The following ZNF384 variants were observed in gnomAD, a reference collection of about 807,000 sequenced individuals.
ZNF384 encodes CAG repeat protein 1.
ZNF384 carries 20 observed loss-of-function variants against 65.0 expected under a neutral mutation model. The ratio of observed to expected loss-of-function variants is 0.31; its 90% confidence interval spans 0.22 to 0.45. The LOEUF is 0.45. Ranked by LOEUF, ZNF384 falls within the 20% of genes least tolerant of loss-of-function variation. The probability of loss-of-function intolerance (pLI) is 1.00; values close to 1 mark genes in which losing one functional copy is unlikely to be tolerated. For synonymous variants in ZNF384, 310 were observed against 303.9 expected (o/e 1.02, Z -0.21); for missense variants, 549 against 769.4 (o/e 0.71, Z 3.39).
chr12:6,669,469 C>A (rs1421472414), intron 10 of ZNF384, among the ~76,000 whole-genome samples: 1 of 151,712 alleles, frequency 6.6e-6, no homozygotes, highest in East Asian at 1.9e-4. Context: ...ACACTAAGAC[C>A]TTCACAGGGG....
At chr12:6,670,863 GA>G (rs1202627854) in intron 9 of ZNF384, 25 bp from the exon 10 acceptor site, 4 of 1,606,524 alleles carry the variant, frequency 2.5e-6, no homozygotes, top group East Asian at 2.2e-5. Context: ...AGAAAAAAGG[GA>G]AAGAATGTCA....
At position 6,679,540 on chromosome 12, in the gene ZNF384, A is replaced by C; in HGVS notation, c.-5-15T>G. The C allele has an allele frequency of 6.2e-7, 1 of 1,603,200 alleles. No homozygotes were observed. The highest frequency in any genetic ancestry group is 8.5e-7 in the Non-Finnish European group (1 of 1,170,376). ...TTCCATTCTACCTGAAGAAAAAATGAGAGAACATGTCACACTCAGGAATTA... is the reference window on the plus strand; with the variant it reads ...TTCCATTCTACCTGAAGAAAAAATGCGAGAACATGTCACACTCAGGAATTA... On this transcript the variant is annotated splice_polypyrimidine_tract_variant and intron_variant, in intron 2 of 11. Coordinates refer to ENST00000683879, the MANE Select transcript of ZNF384 (RefSeq NM_001385745.1).
At chr12:6,686,275 A>G (rs929297978) in intron 2 of ZNF384, among the ~76,000 whole-genome samples, 3 of 152,250 alleles carry the variant, frequency 2.0e-5, no homozygotes, top group Admixed American at 6.5e-5. Flanking sequence ...TTTTTATGAG[A>G]CAGAGTCTCA....
In ZNF384 at chr12:6,674,931, T is replaced by A. The variant is rs78803374; in HGVS notation, c.780-1491A>T. Among the ~76,000 whole-genome samples, 12 of 152,302 alleles carry A rather than the reference T, an allele frequency of 7.9e-5. No homozygotes were observed. In the East Asian group the frequency reaches 2.3e-3, roughly 29 times the overall value. The stretch of plus-strand genomic sequence containing the variant: ...CTGAAGTTAGAAGCTGGACACATTG[T>A]CCCTTGAAGGGCAACTGTACTAAAG... On this transcript the variant is annotated intron_variant, in intron 7 of 11. Transcript: ENST00000683879.
Position 6,678,744 on chromosome 12 carries a change from C to T in ZNF384, c.305-34G>A. On this transcript the variant is annotated intron_variant, in intron 4 of 11. Transcript: ENST00000683879. The surrounding 1 kb of genome is among the most constrained non-coding windows in gnomAD (Gnocchi z 4.9). ...AGAGAAGGAAAGAATGTCACCTCCTCAAAGGCAGGGACCGCATCTTCTACT... is the reference window on the plus strand; with the variant it reads ...AGAGAAGGAAAGAATGTCACCTCCTTAAAGGCAGGGACCGCATCTTCTACT... The T allele has an allele frequency of 6.2e-7, 1 of 1,612,252 alleles. No homozygotes were observed. The highest frequency in any genetic ancestry group is 8.5e-7 in the Non-Finnish European group (1 of 1,178,406).
At chr12:6,679,248 T>A (rs574198521) in intron 3 of ZNF384, 65 bp from the exon 4 acceptor site, 1 of 1,424,230 alleles carries the variant, frequency 7.0e-7, no homozygotes, top group East Asian at 2.3e-5. Flanking sequence ...TGCTTGCTCG[T>A]GAGCACACTT....
chr12:6,674,781 C>CG (rs983346467), intron 7 of ZNF384, among the ~76,000 whole-genome samples: 2 of 152,304 alleles, frequency 1.3e-5, no homozygotes, highest in Non-Finnish European at 2.9e-5. Context: ...TTTTTGCCCC[C>CG]AGAAGGGCGA....
chr12:6,679,405 C>T (rs748055501), intron 3 of ZNF384, 50 bp downstream of exon 3: 14 of 1,534,020 alleles, frequency 9.1e-6, no homozygotes, highest in Admixed American at 3.4e-5. Flanking sequence ...TCCATAGTAA[C>T]AGAACTTACT....
rs774553734 is a variant in ZNF384 at position 6,667,523 on chromosome 12, G to A, written c.*191C>T. 2 of 773,796 alleles carry A rather than the reference G, an allele frequency of 2.6e-6. No individual in the cohort carries two copies. The highest frequency in any genetic ancestry group is 1.7e-5 in the African/African-American group (1 of 58,234). 47.9% of individuals were successfully genotyped at this position (773,796 alleles called of 1,614,324 possible). ...CAGCTCAGTATTCCTTTGCAATCAGGAGGGCTGATGTTCCTTTTGAAGAAG... is the reference window on the plus strand; with the variant it reads ...CAGCTCAGTATTCCTTTGCAATCAGAAGGGCTGATGTTCCTTTTGAAGAAG... On this transcript the variant is annotated 3_prime_UTR_variant, in exon 12 of 12. Transcript: ENST00000683879.
chr12:6,685,371 G>A (rs529866402), intron 2 of ZNF384, among the ~76,000 whole-genome samples: 91 of 151,966 alleles, frequency 6.0e-4, no homozygotes, highest in African/African-American at 2.1e-3. Flanking sequence ...AAACAGAAGA[G>A]AAGGAAAGAT....
chr12:6,688,024 A>G (rs1433363967), intron 2 of ZNF384, 143 bp downstream of exon 2: 1 of 152,404 alleles, frequency 6.6e-6, no homozygotes, highest in Admixed American at 6.5e-5. Context: ...AAAAAAACTG[A>G]TTTCTCTCCA....
chr12:6,667,550 G>T lies in ZNF384; in HGVS notation c.*164C>A. The T allele has an allele frequency of 1.1e-6, 1 of 931,460 alleles. No homozygotes were observed. Among genetic ancestry groups the T allele is most frequent in the Non-Finnish European group, 1.7e-6 (1 of 575,346 alleles). 57.7% of individuals were successfully genotyped at this position (931,460 alleles called of 1,614,324 possible). A position where few individuals can be genotyped will look rare whatever the true frequency, so the allele number is the denominator to read the frequency against. ...GGGCTGATGTTCCTTTTGAAGAAGA[G>T]TTCAGAAAAAGGATGGTATCCTGTG... On this transcript the variant is annotated 3_prime_UTR_variant, in exon 12 of 12. Transcript: ENST00000683879.
intron 1 of ZNF384, 168 bp downstream of exon 1, chr12:6,688,930 C>G (rs532765595): frequency 2.0e-5 from 3 of 152,758 alleles, no homozygotes; most frequent in East Asian, 3.9e-4. Context: ...CCCCCTAAAC[C>G]CCCCCATTCC....
chr12:6,680,902 T>C (rs1179132533), intron 2 of ZNF384, among the ~76,000 whole-genome samples: 7 of 152,010 alleles, frequency 4.6e-5, no homozygotes, highest in Non-Finnish European at 1.0e-4. Context: ...AGTGCCAGAC[T>C]CCTGCTTCCT....
intron 11 of ZNF384, 48 bp downstream of exon 11, chr12:6,668,983 G>A (rs1950519586): frequency 5.2e-6 from 8 of 1,551,396 alleles, no homozygotes; most frequent in Non-Finnish European, 7.0e-6. Flanking sequence ...GAAGTGGACT[G>A]TACTCTTAGA....
rs1951796335 is a variant in ZNF384, at chr12:6,672,293, G to A, written c.1187+57C>T. 6 of 1,545,176 alleles carry A rather than the reference G, an allele frequency of 3.9e-6. No individual in the cohort carries two copies. Among genetic ancestry groups the A allele is most frequent in the East Asian group, 2.3e-5 (1 of 43,258 alleles). ...GCGGGTTGTTGTGTGTGTCCGGGGC[G>A]GGGGTGGGGAGGGCATGCCAGCGGG... On this transcript the variant is annotated intron_variant, in intron 9 of 11. Transcript: ENST00000683879. The surrounding 1 kb of genome is among the most constrained non-coding windows in gnomAD (Gnocchi z 4.4).
In ZNF384 at chr12:6,668,002, G is replaced by GGCTTGA. The variant is rs1164366080; in HGVS notation, c.1533_1538dup (p.Gln526_Ala527dup). On this transcript the variant is annotated inframe_insertion, in exon 12 of 12. Transcript: ENST00000683879. ...GGGCTTGAGCCTGAGCCTGAGCCTG[G>GGCTTGA]GCTTGAGCTTGAGCCTGGGCCTGGG... 3 of 1,613,166 alleles carry GGCTTGA rather than the reference G, an allele frequency of 1.9e-6. No homozygotes were observed. The highest frequency in any genetic ancestry group is 2.5e-6 in the Non-Finnish European group (3 of 1,179,596).
Position 6,671,230 on chromosome 12 carries a change from A to G in ZNF384, c.1188-392T>C, listed in dbSNP as rs150469206. Among the ~76,000 whole-genome samples the G allele has an allele frequency of 1.4e-4, 21 of 152,358 alleles. No individual in the cohort carries two copies. In the East Asian group the frequency reaches 3.8e-3, roughly 28 times the overall value. On this transcript the variant is annotated intron_variant, in intron 9 of 11. Transcript: ENST00000683879. ...TTCCTTGGCCCCACCTTATGGCCAG[A>G]AACAGTCCCCTCAGCCTTGAGCATC...
chr12:6,667,440 C>T lies in ZNF384; in HGVS notation c.*274G>A. ...GGTCATAGCAAATCCTTCCCTTGAG[C>T]ACCGACCCCCAGTTTTAGAAGCTTT... On this transcript the variant is annotated 3_prime_UTR_variant, in exon 12 of 12. Transcript: ENST00000683879. 1 of 563,792 alleles carries T rather than the reference C, an allele frequency of 1.8e-6. No individual in the cohort carries two copies. The highest frequency in any genetic ancestry group is 3.2e-6 in the Non-Finnish European group (1 of 314,120). 34.9% of individuals were successfully genotyped at this position (563,792 alleles called of 1,614,324 possible).
Sources: gnomAD v4.1 joint callset for allele counts (sites outside exome capture counted in the v4.1 genomes callset) on GRCh38, gnomAD v4.1.1 for gene constraint, Gnocchi (gnomAD v3.1) non-coding constraint, MANE v1.5 for transcripts, NCBI Gene and HGNC (gene_info 2026-07-23, HGNC 2026-07-21) for gene names.